Variants in ADH1B observed in about 807,000 individuals in gnomAD.
The protein encoded by ADH1B is all-trans-retinol dehydrogenase [NAD(+)] ADH1B.
ADH1B carries 29 observed loss-of-function variants against 34.6 expected under a neutral mutation model. The observed-to-expected ratio is 0.84, with a 90% CI of 0.62 to 1.14. The LOEUF (loss-of-function observed/expected upper bound fraction) is 1.14, where lower values mean the gene tolerates loss of function less well. ADH1B is among the 50% of genes most tolerant of loss of function. The probability of loss-of-function intolerance (pLI) is 0.00; values close to 1 mark genes in which losing one functional copy is unlikely to be tolerated. For synonymous variants in ADH1B, 170 were observed against 175.5 expected (o/e 0.97, Z 0.25); for missense variants, 424 against 468.4 (o/e 0.91, Z 0.87).
Position 99,305,709 on chromosome 4 carries a change from G to A in ADH1B, c.*2131C>T, listed in dbSNP as rs1733596865. On this transcript the variant is annotated 3_prime_UTR_variant, in exon 9 of 9. Coordinates refer to ENST00000305046, the MANE Select transcript of ADH1B (RefSeq NM_000668.6). Reference sequence around the variant, plus strand: ...CCACATGCCACTCCCATCCCATGGAGGACTTGCCACTCTATGACAACACTG... The same window carrying A: ...CCACATGCCACTCCCATCCCATGGAAGACTTGCCACTCTATGACAACACTG... The A allele has an allele frequency of 6.6e-6, 1 of 150,844 alleles. No individual in the cohort carries two copies. Among genetic ancestry groups the A allele is most frequent in the African/African-American group, 2.4e-5 (1 of 40,922 alleles). 9.3% of individuals were successfully genotyped at this position (150,844 alleles called of 1,614,324 possible).
In ADH1B at chr4:99,306,967, A is replaced by C. The variant is rs1733625515; in HGVS notation, c.*873T>G. 1 of 152,168 alleles carries C rather than the reference A, an allele frequency of 6.6e-6. No homozygotes were observed. Among genetic ancestry groups the C allele is most frequent in the African/African-American group, 2.4e-5 (1 of 41,440 alleles). The allele number at this position is 152,168 out of a possible 1,614,324, so 9.4% of individuals were successfully genotyped here. On this transcript the variant is annotated 3_prime_UTR_variant, in exon 9 of 9. Coordinates refer to ENST00000305046, the MANE Select transcript of ADH1B (RefSeq NM_000668.6). The stretch of plus-strand genomic sequence containing the variant: ...ACAGCATTTGCCATCCCATCTCTAC[A>C]CTTAAAGCCACCATATTACTTTTAA...
In ADH1B at chr4:99,307,857, T is replaced by C; in HGVS notation, c.1111A>G (p.Thr371Ala). The C allele has an allele frequency of 1.2e-6, 2 of 1,613,964 alleles. No individual in the cohort carries two copies. Among genetic ancestry groups the C allele is most frequent in the Non-Finnish European group, 1.7e-6 (2 of 1,179,890 alleles). Residue 371 changes from threonine (T) to alanine (A), a missense_variant, in exon 9 of 9, where the codon ACC (threonine) becomes GCC (alanine). Thr to Ala is a moderately conservative substitution (Grantham distance 58, BLOSUM62 0). This residue lies in a region of ADH1B where 130 missense variants were observed against 151.8 expected (regional missense o/e 0.86). Coordinates refer to ENST00000305046, the MANE Select transcript of ADH1B (RefSeq NM_000668.6). ...DLLHSGKSIR[T>A]VLTF The stretch of plus-strand genomic sequence containing the variant: ...CTATTGCCTCAAAACGTCAGGACGG[T>C]ACGGATACTGCAATAGGAAAGAAGA...
intron 6 of ADH1B, 161 bp downstream of exon 6, chr4:99,313,660 T>G (rs934071101): frequency 5.2e-6 from 7 of 1,350,630 alleles, no homozygotes; most frequent in Non-Finnish European, 6.1e-6. Context: ...AAGAGAAGAT[T>G]TCTCATAACA....
At chr4:99,311,867 G>T (rs1400220820) in intron 6 of ADH1B, among the ~76,000 whole-genome samples, 1 of 152,178 alleles carries the variant, frequency 6.6e-6, no homozygotes, top group Admixed American at 6.5e-5. Context: ...AAGAATGGAT[G>T]AATAAATTGG....
chr4:99,318,667 T>G, intron 2 of ADH1B, 118 bp downstream of exon 2: 1 of 987,620 alleles, frequency 1.0e-6, no homozygotes, highest in East Asian at 2.6e-5. Context: ...AAATGTAATT[T>G]TATCTTCTGG....
chr4:99,321,265 G>A (rs1490281838), intron 1 of ADH1B, 49 bp downstream of exon 1: 1 of 1,483,676 alleles, frequency 6.7e-7, no homozygotes, highest in African/African-American at 1.4e-5. Flanking sequence ...TCCTTTCTTT[G>A]TTATATTGAT....
intron 1 of ADH1B, 61 bp downstream of exon 1, chr4:99,321,253 A>G: frequency 1.4e-6 from 2 of 1,388,316 alleles, no homozygotes; most frequent in Non-Finnish European, 1.0e-6. Context: ...CAAATACTGT[A>G]TTCCTTTCTT....
rs948941809 is a variant in ADH1B, at chr4:99,313,112, C to T, written c.828+709G>A. On this transcript the variant is annotated intron_variant, in intron 6 of 8. Coordinates refer to ENST00000305046, the MANE Select transcript of ADH1B (RefSeq NM_000668.6). ...CGCGATCTTGGCTCACTGCAACCTC[C>T]GCCTCCTGGGTTCAAGTGATTCTCT... 5.9e-5 allele frequency among the ~76,000 whole-genome samples: 9 copies of T among 151,676 alleles called. No homozygotes were observed. In the East Asian group the frequency reaches 7.8e-4, roughly 13 times the overall value.
chr4:99,318,251 A>G, intron 2 of ADH1B, 67 bp from the exon 3 acceptor site: 1 of 1,584,480 alleles, frequency 6.3e-7, no homozygotes, highest in Non-Finnish European at 8.6e-7. Flanking sequence ...AACATACCCA[A>G]ATTCCTGAAA....
At chr4:99,310,462 TG>T (rs1163722156) in intron 8 of ADH1B, 2 of 359,436 alleles carry the variant, frequency 5.6e-6, no homozygotes, top group Non-Finnish European at 5.2e-6. Flanking sequence ...AATAGACTTT[TG>T]TTTTTTTGTG....
At position 99,315,948 on chromosome 4, in the gene ADH1B, T is replaced by C. The variant is rs79367470; in HGVS notation, c.517A>G (p.Ile173Val). The C allele has an allele frequency of 3.1e-6, 5 of 1,614,066 alleles. No individual in the cohort carries two copies. In the Admixed American group the frequency reaches 5.0e-5, roughly 16 times the overall value. ...TAACCAGTCGAGAATCCACAGCCAA[T>C]GAGGCAGACTTTCTCCAGGGGCGAG... ...AASPLEKVCL[I>V]GCGFSTGYGS... Residue 173 changes from isoleucine (I) to valine (V), a missense_variant, in exon 5 of 9, where the codon ATT (isoleucine) becomes GTT (valine). Coordinates refer to ENST00000305046, the MANE Select transcript of ADH1B (RefSeq NM_000668.6).
chr4:99,317,408 T>C (rs190295082), intron 3 of ADH1B: 2 of 152,338 alleles, frequency 1.3e-5, no homozygotes, highest in African/African-American at 2.4e-5. Context: ...CTGTAACCAG[T>C]TGCATTTAAG....
At chr4:99,311,047 C>A in intron 7 of ADH1B, 144 bp from the exon 8 acceptor site, 1 of 991,212 alleles carries the variant, frequency 1.0e-6, no homozygotes, top group Non-Finnish European at 1.5e-6. Flanking sequence ...TACAGTACTT[C>A]AATATGCTTT....
At chr4:99,319,798 C>G (rs1393490901) in intron 1 of ADH1B, 1 of 152,080 alleles carries the variant, frequency 6.6e-6, no homozygotes, top group Admixed American at 6.6e-5. Context: ...AACATAATTG[C>G]AAATATAATT....
At chr4:99,314,612 CATT>C (rs890230902) in intron 5 of ADH1B, 1 of 157,192 alleles carries the variant, frequency 6.4e-6, no homozygotes, top group Non-Finnish European at 1.4e-5. Context: ...GTAATTAACT[CATT>C]GGTTCATTTA....
chr4:99,309,363 C>A (rs2110629314), intron 8 of ADH1B, among the ~76,000 whole-genome samples: 1 of 152,070 alleles, frequency 6.6e-6, no homozygotes, highest in Non-Finnish European at 1.5e-5. Flanking sequence ...GCCCAACTCA[C>A]CTTATTCTTA....
chr4:99,308,659 G>A (rs1000102884), intron 8 of ADH1B, among the ~76,000 whole-genome samples: 2 of 151,860 alleles, frequency 1.3e-5, no homozygotes, highest in Admixed American at 1.3e-4. Context: ...GATGGTCTTT[G>A]TGACTCTTTA....
rs1462794099 is a variant in ADH1B, at chr4:99,305,575, A to G, written c.*2265T>C. ...TGCCCCATAGTGTATATATATATATATATATATATATATATATATATATAT... is the reference window on the plus strand; with the variant it reads ...TGCCCCATAGTGTATATATATATATGTATATATATATATATATATATATAT... On this transcript the variant is annotated 3_prime_UTR_variant, in exon 9 of 9. Transcript: ENST00000305046. 2,295 of 65,192 alleles carry G rather than the reference A, an allele frequency of 0.035. 290 individuals are homozygous for G. The highest frequency in any genetic ancestry group is 0.11 in the African/African-American group (2,071 of 18,082). 4.0% of individuals were successfully genotyped at this position (65,192 alleles called of 1,614,324 possible). A position where few individuals can be genotyped will look rare whatever the true frequency, so the allele number is the denominator to read the frequency against.
chr4:99,321,148 C>T (rs1734015703), intron 1 of ADH1B, among the ~76,000 whole-genome samples, 166 bp downstream of exon 1: 1 of 152,150 alleles, frequency 6.6e-6, no homozygotes, highest in South Asian at 2.1e-4. Context: ...CTTATTTCCA[C>T]TGCAGTTCAG....
Sources: allele counts gnomAD v4.1 joint callset (sites outside exome capture counted in the v4.1 genomes callset), GRCh38; gene constraint gnomAD v4.1.1; regional missense constraint gnomAD v4.1.1; transcripts MANE v1.5; gene names NCBI Gene and HGNC (gene_info 2026-07-23, HGNC 2026-07-21).